Variants in LNX2 observed in about 807,000 individuals in gnomAD.
LNX2 encodes the protein ligand of numb-protein X 2.
A neutral mutation model predicts 66.2 loss-of-function variants in LNX2; 35 were observed. The observed-to-expected ratio is 0.53, with a 90% CI of 0.40 to 0.70. The LOEUF is 0.70. LNX2 is among the 30% of genes least tolerant of loss of function. LNX2 has a pLI of 0.00. For missense variants in LNX2, 791 were observed against 850.8 expected, an observed-to-expected ratio of 0.93 and a Z score of 0.87; for synonymous variants, 337 against 315.6, an observed-to-expected ratio of 1.07 and a Z score of -0.72.
In LNX2 at chr13:27,548,316, T is replaced by C; in HGVS notation, c.*19A>G. 1 of 1,596,838 alleles carries C rather than the reference T, an allele frequency of 6.3e-7. No individual in the cohort carries two copies. The highest frequency in any genetic ancestry group is 2.2e-5 in the East Asian group (1 of 44,724). On this transcript the variant is annotated 3_prime_UTR_variant, in exon 10 of 10. Transcript: ENST00000316334. Reference sequence around the variant, plus strand: ...ATCTAAAAAAGGAAGATGCAAGATTTGAAACCAATTTCCAAAATCTATACA... The same window carrying C: ...ATCTAAAAAAGGAAGATGCAAGATTCGAAACCAATTTCCAAAATCTATACA...
At chr13:27,553,920 G>A (rs1593238029) in intron 7 of LNX2, among the ~76,000 whole-genome samples, 1 of 152,194 alleles carries the variant, frequency 6.6e-6, no homozygotes, top group African/African-American at 2.4e-5. Context: ...ATCAGAATAT[G>A]TACAAAGAAG....
intron 1 of LNX2, among the ~76,000 whole-genome samples, chr13:27,613,682 C>T (rs1170428073): frequency 6.6e-6 from 1 of 152,088 alleles, no homozygotes; most frequent in Non-Finnish European, 1.5e-5. Context: ...GCAGGAGAAT[C>T]ACTTGAACCT....
intron 1 of LNX2, among the ~76,000 whole-genome samples, chr13:27,617,723 T>C (rs1237634487): frequency 1.3e-5 from 2 of 152,214 alleles, no homozygotes; most frequent in Non-Finnish European, 2.9e-5. Flanking sequence ...TTTCTATTCT[T>C]TCCTAGCTCC....
chr13:27,559,569 G>T (rs576771205), intron 6 of LNX2, among the ~76,000 whole-genome samples: 1 of 152,196 alleles, frequency 6.6e-6, no homozygotes, highest in South Asian at 2.1e-4. Context: ...CACGCTTCTT[G>T]TTAATCGCCT....
chr13:27,601,522 T>C (rs1458442255), intron 1 of LNX2, among the ~76,000 whole-genome samples: 1 of 152,218 alleles, frequency 6.6e-6, no homozygotes, highest in Non-Finnish European at 1.5e-5. Context: ...AATAAGGCTA[T>C]GATTTGGTGT....
At chr13:27,555,669 G>A (rs557905205) in intron 7 of LNX2, among the ~76,000 whole-genome samples, 26 of 152,228 alleles carry the variant, frequency 1.7e-4, no homozygotes, top group Admixed American at 4.6e-4. Context: ...TGAGGTAGGG[G>A]TTCAACTTCA....
Position 27,559,875 on chromosome 13 carries a change from T to A in LNX2, c.1335A>T (p.Pro445=). 1.2e-6 allele frequency: 2 copies of A among 1,608,638 alleles called. No individual in the cohort carries two copies. Among genetic ancestry groups the A allele is most frequent in the Non-Finnish European group, 1.7e-6 (2 of 1,176,504 alleles). The change falls in exon 6 of 10, where the codon CCA becomes CCT. Residue 445 remains proline, a synonymous_variant. Coordinates refer to ENST00000316334, the MANE Select transcript of LNX2 (RefSeq NM_153371.4). ...NHSSSSQHHT[P]PPYYSRPSSH... is the part of the protein sequence containing the mutation. The stretch of plus-strand genomic sequence containing the variant: ...AGCTTGGTCTGCTATAATACGGTGG[T>A]GGTGTGTGGTGCTGGCTGCTGCTGC...
chr13:27,610,155 A>G (rs918395567), intron 1 of LNX2, among the ~76,000 whole-genome samples: 1 of 152,200 alleles, frequency 6.6e-6, no homozygotes, highest in Non-Finnish European at 1.5e-5. Flanking sequence ...CAAATGCTTG[A>G]CATATTTAGT....
chr13:27,597,731 A>G (rs1203206603), intron 1 of LNX2, among the ~76,000 whole-genome samples: 1 of 152,182 alleles, frequency 6.6e-6, no homozygotes, highest in Non-Finnish European at 1.5e-5. Context: ...CAGTCAAAGG[A>G]GGAATGGATT....
At chr13:27,561,344 C>T (rs1955133314) in intron 5 of LNX2, among the ~76,000 whole-genome samples, 1 of 152,100 alleles carries the variant, frequency 6.6e-6, no homozygotes, top group Admixed American at 6.6e-5. Flanking sequence ...GATGCTATAA[C>T]TCTATTAGCT....
At chr13:27,583,255 T>TGTGTGCGCGCGCGCGCGC (rs1555268514) in intron 1 of LNX2, among the ~76,000 whole-genome samples, 4 of 58,528 alleles carry the variant, frequency 6.8e-5, no homozygotes, top group Non-Finnish European at 9.6e-5. Flanking sequence ...TGTGTGTGTG[T>TGTGTGCGCGCGCGCGCGC]GCGCGCGTCC....
In LNX2 at chr13:27,609,155, TTTTC is replaced by T. The variant is rs1288285958; in HGVS notation, c.-101+11216_-101+11219del. On this transcript the variant is annotated intron_variant, in intron 1 of 9. Transcript: ENST00000316334. ...TTCAAATAACCAACAGTGATTTTTTTTTTCTTTTTTTTTAAGAGATGGAGTCTCG... is the reference window on the plus strand; with the variant it reads ...TTCAAATAACCAACAGTGATTTTTTTTTTTTTTTTAAGAGATGGAGTCTCG... Among the ~76,000 whole-genome samples, 87 of 64,436 alleles carry T rather than the reference TTTTC, an allele frequency of 1.4e-3. 1 individual carries two copies. The highest frequency in any genetic ancestry group is 3.6e-3 in the East Asian group (3 of 830). The allele number at this position is 64,436 out of a possible 152,430, so 42.3% of individuals were successfully genotyped here. A position where few individuals can be genotyped will look rare whatever the true frequency, so the allele number is the denominator to read the frequency against.
intron 2 of LNX2, among the ~76,000 whole-genome samples, chr13:27,577,373 A>G (rs1418406375): frequency 6.6e-6 from 1 of 152,224 alleles, no homozygotes. Context: ...TGTGAATTTA[A>G]AAGTGCAATC....
At chr13:27,549,764 G>A (rs565225522) in intron 9 of LNX2, among the ~76,000 whole-genome samples, 2 of 152,300 alleles carry the variant, frequency 1.3e-5, no homozygotes, top group African/African-American at 4.8e-5. Context: ...TTTATGCAAG[G>A]TATTGTTATG....
At chr13:27,554,606 A>G (rs766391137) in intron 7 of LNX2, among the ~76,000 whole-genome samples, 2 of 152,184 alleles carry the variant, frequency 1.3e-5, no homozygotes, top group Non-Finnish European at 2.9e-5. Context: ...CTGTATGGGT[A>G]GACCACATTC....
At chr13:27,597,574 G>A (rs17085788) in intron 1 of LNX2, among the ~76,000 whole-genome samples, 6,282 of 152,218 alleles carry the variant, frequency 0.041, 161 homozygotes, top group East Asian at 0.094. Flanking sequence ...GGGTTCCTGA[G>A]TCAAATGATG....
intron 2 of LNX2, 69 bp from the exon 3 acceptor site, chr13:27,569,345 G>T: frequency 6.6e-7 from 1 of 1,519,102 alleles, no homozygotes; most frequent in Non-Finnish European, 8.9e-7. Context: ...ATAGGGAGGG[G>T]GACTAATAGC....
intron 1 of LNX2, among the ~76,000 whole-genome samples, chr13:27,587,702 T>C (rs1955503055): frequency 6.6e-6 from 1 of 152,170 alleles, no homozygotes; most frequent in African/African-American, 2.4e-5. Flanking sequence ...ATGTCACATA[T>C]CAGCTTTGAT....
chr13:27,554,441 G>A (rs1196510589), intron 7 of LNX2, among the ~76,000 whole-genome samples: 1 of 151,964 alleles, frequency 6.6e-6, no homozygotes, highest in Admixed American at 6.6e-5. Flanking sequence ...TCTACTTTCT[G>A]TCTCTACAGA....
Sources: gnomAD v4.1 joint callset for allele counts (sites outside exome capture counted in the v4.1 genomes callset) on GRCh38, gnomAD v4.1.1 for gene constraint, MANE v1.5 for transcripts, NCBI Gene and HGNC (gene_info 2026-07-23, HGNC 2026-07-21) for gene names.